MTRF1: variants seen among roughly 807,000 people sequenced by gnomAD.
MTRF1 encodes mitochondrial translation release factor 1, also known as peptide chain release factor 1, mitochondrial.
Under a neutral mutation model 62.9 loss-of-function variants are expected in MTRF1, and 51 were observed. The observed-to-expected ratio is 0.81, with a 90% confidence interval of 0.65 to 1.02. The LOEUF is 1.02. Ranked by LOEUF, MTRF1 falls within the 50% of genes least tolerant of loss-of-function variation. The pLI, the probability that MTRF1 is intolerant of heterozygous loss-of-function variation, is 0.00. For missense variants in MTRF1, 446 were observed against 530.0 expected (o/e 0.84, Z 1.56); for synonymous variants, 158 against 181.9 (o/e 0.87, Z 1.06).
chr13:41,299,047 G>A, the MTRF1 span, among the ~76,000 whole-genome samples: 2 of 152,008 alleles, frequency 1.3e-5, no homozygotes, highest in South Asian at 2.1e-4. Flanking sequence ...TGGGCGTGAC[G>A]CACGCCTGTA....
chr13:41,256,167 G>A (rs2039686594), intron 2 of MTRF1, among the ~76,000 whole-genome samples: 1 of 152,150 alleles, frequency 6.6e-6, no homozygotes, highest in South Asian at 2.1e-4. Context: ...GCCCAGTCTG[G>A]TGGCAAACAC....
intron 9 of MTRF1, among the ~76,000 whole-genome samples, chr13:41,218,051 G>C (rs1055418810): frequency 3.9e-5 from 6 of 152,198 alleles, no homozygotes; most frequent in African/African-American, 1.4e-4. Context: ...TGGGGGGAAA[G>C]AGAAGGAAAA....
chr13:41,279,422 A>C, the MTRF1 span, among the ~76,000 whole-genome samples: 1 of 152,214 alleles, frequency 6.6e-6, no homozygotes, highest in South Asian at 2.1e-4. Context: ...CTTTCTGTTG[A>C]TTCCAGGTCC....
chr13:41,233,436 C>T lies in MTRF1; in HGVS notation c.988+454G>A, dbSNP rs1018173903. Among the ~76,000 whole-genome samples the T allele has an allele frequency of 4.6e-5, 7 of 152,028 alleles. No individual in the cohort carries two copies. In the East Asian group the frequency reaches 9.7e-4, roughly 21 times the overall value. ...TTAAATAAAATTTTAATTTGAAAAA[C>T]GGTAGGAATATTTAAAATCACATTA... On this transcript the variant is annotated intron_variant, in intron 7 of 9. Coordinates refer to ENST00000379480, the MANE Select transcript of MTRF1 (RefSeq NM_004294.4).
At chr13:41,275,240 G>A in the MTRF1 span, among the ~76,000 whole-genome samples, 3 of 150,728 alleles carry the variant, frequency 2.0e-5, no homozygotes, top group Admixed American at 6.6e-5. Flanking sequence ...TCGCTCTGTT[G>A]CCCAGGCTGG....
intron 1 of MTRF1, chr13:41,263,196 A>G (rs1298019494): frequency 8.8e-7 from 1 of 1,136,646 alleles, no homozygotes; most frequent in Non-Finnish European, 1.2e-6. Flanking sequence ...AGTAGAATGC[A>G]TAATTTTCAA....
At chr13:41,292,360 G>A in the MTRF1 span, among the ~76,000 whole-genome samples, 6 of 152,134 alleles carry the variant, frequency 3.9e-5, no homozygotes, top group African/African-American at 1.4e-4. Flanking sequence ...CAAGGTGAGA[G>A]GATCATGAGG....
At chr13:41,250,425 G>GT (rs2038920564) in intron 5 of MTRF1, among the ~76,000 whole-genome samples, 1 of 151,952 alleles carries the variant, frequency 6.6e-6, no homozygotes, top group South Asian at 2.1e-4. Flanking sequence ...GAGCTGACAG[G>GT]TATCAAATAG....
the MTRF1 span, among the ~76,000 whole-genome samples, chr13:41,290,825 G>T: frequency 6.6e-6 from 1 of 151,238 alleles, no homozygotes; most frequent in Non-Finnish European, 1.5e-5. Context: ...GGACGCAGTG[G>T]CTCATGCCTG....
the MTRF1 span, among the ~76,000 whole-genome samples, chr13:41,307,187 G>GC: frequency 2.1e-4 from 31 of 151,136 alleles, no homozygotes; most frequent in Middle Eastern, 3.4e-3. Context: ...TTGGATTTGT[G>GC]CCCCCCCCAC....
At chr13:41,247,918 T>A (rs2038494987) in intron 5 of MTRF1, among the ~76,000 whole-genome samples, 1 of 152,222 alleles carries the variant, frequency 6.6e-6, no homozygotes, top group Non-Finnish European at 1.5e-5. Flanking sequence ...CACAAGCCCC[T>A]ATCCTGACTA....
At chr13:41,311,174 A>ACGCCCC in the MTRF1 span, 1 of 389,450 alleles carries the variant, frequency 2.6e-6, no homozygotes, top group Non-Finnish European at 4.6e-6. Flanking sequence ...GGTCCCCGCT[A>ACGCCCC]CGCCCCCGTA....
chr13:41,245,315 C>T (rs1367633778), intron 5 of MTRF1, among the ~76,000 whole-genome samples: 2 of 151,784 alleles, frequency 1.3e-5, no homozygotes, highest in African/African-American at 2.4e-5. Flanking sequence ...ACAATCTTGG[C>T]TCACTTCAGC....
intron 2 of MTRF1, among the ~76,000 whole-genome samples, chr13:41,258,575 C>CAAAAAAAAAAAAAA (rs11320576): frequency 1.5e-5 from 2 of 133,104 alleles, no homozygotes; most frequent in African/African-American, 2.9e-5. Context: ...AAAAAAAAAA[C>CAAAAAAAAAAAAAA]AAAAAAAAAA....
Position 41,217,186 on chromosome 13 carries a change from T to G in MTRF1, c.1267A>C (p.Arg423=). 6.2e-7 allele frequency: 1 copy of G among 1,609,572 alleles called. No homozygotes were observed. The change falls in exon 10 of 10, where the codon AGA becomes CGA. Residue 423 remains arginine, a synonymous_variant. Coordinates refer to ENST00000379480, the MANE Select transcript of MTRF1 (RefSeq NM_004294.4). ...TCTTCATCTGCTGATTGAAGCAGTC[T>G]CTGAATTAGCTGATCCAGGCCCTTC... The part of the protein sequence containing the change: ...GGKGLDQLIQ[R]LLQSADEEAI...
At chr13:41,286,808 G>A in the MTRF1 span, among the ~76,000 whole-genome samples, 1 of 152,128 alleles carries the variant, frequency 6.6e-6, no homozygotes, top group Admixed American at 6.5e-5. Flanking sequence ...AAAACAGACT[G>A]ATCCAAAGAG....
At chr13:41,234,800 G>T (rs554764598) in intron 6 of MTRF1, among the ~76,000 whole-genome samples, 13 of 152,332 alleles carry the variant, frequency 8.5e-5, no homozygotes, top group African/African-American at 2.9e-4. Context: ...AGTAGGACAA[G>T]GTAACACTCT....
intron 5 of MTRF1, among the ~76,000 whole-genome samples, chr13:41,241,899 C>G (rs2037548460): frequency 6.6e-6 from 1 of 152,194 alleles, no homozygotes; most frequent in South Asian, 2.1e-4. Context: ...GTCTGGATGT[C>G]TCTCTTTTTA....
upstream of MTRF1, among the ~76,000 whole-genome samples, chr13:41,267,014 A>C (rs988038119): frequency 4.6e-5 from 7 of 151,894 alleles, no homozygotes; most frequent in South Asian, 2.1e-4. Flanking sequence ...AAAAAAAAAA[A>C]AAACAAATTT....
Sources: allele counts gnomAD v4.1 joint callset (sites outside exome capture counted in the v4.1 genomes callset), GRCh38; gene constraint gnomAD v4.1.1; transcripts MANE v1.5; gene names NCBI Gene and HGNC (gene_info 2026-07-23, HGNC 2026-07-21).